The following RPA1 variants were observed in gnomAD, a reference collection of about 807,000 sequenced individuals.
The protein encoded by RPA1 is replication protein A 70 kDa DNA-binding subunit.
RPA1 carries 49 observed loss-of-function variants against 83.0 expected under a neutral mutation model. The ratio of observed to expected loss-of-function variants is 0.59; its 90% CI spans 0.47 to 0.75. The LOEUF is 0.75. Ranked by LOEUF, RPA1 falls within the 30% of genes least tolerant of loss-of-function variation. The probability of loss-of-function intolerance (pLI) is 0.00; values close to 1 mark genes in which losing one functional copy is unlikely to be tolerated. For synonymous variants in RPA1, 279 were observed against 281.8 expected, an observed-to-expected ratio of 0.99 and a Z score of 0.10; for missense variants, 693 against 776.1, an observed-to-expected ratio of 0.89 and a Z score of 1.27.
In RPA1 at chr17:1,873,992, C is replaced by CAAAA. The variant is rs71150832; in HGVS notation, c.454+1484_454+1487dup. On this transcript the variant is annotated intron_variant, in intron 6 of 16. Coordinates refer to ENST00000254719, the MANE Select transcript of RPA1 (RefSeq NM_002945.5). Reference sequence around the variant, plus strand: ...TGGACAACAAAGTGAGACTCTGTCTCAAAAAAAAAAAAAAAAAAAAATATA... The same window carrying CAAAA: ...TGGACAACAAAGTGAGACTCTGTCTCAAAAAAAAAAAAAAAAAAAAAAAAATATA... 4.8e-4 allele frequency among the ~76,000 whole-genome samples: 22 copies of CAAAA among 45,408 alleles called. 1 individual carries two copies. The highest frequency in any genetic ancestry group is 1.4e-3 in the African/African-American group (9 of 6,276). 29.8% of individuals were successfully genotyped at this position (45,408 alleles called of 152,430 possible).
chr17:1,887,166 G>A (rs1203249937), intron 13 of RPA1, among the ~76,000 whole-genome samples: 1 of 152,094 alleles, frequency 6.6e-6, no homozygotes, highest in African/African-American at 2.4e-5. Context: ...CTTGATTGGA[G>A]GATCAGTCAG....
At chr17:1,882,053 G>A (rs539810673) in intron 12 of RPA1, among the ~76,000 whole-genome samples, 1 of 152,290 alleles carries the variant, frequency 6.6e-6, no homozygotes, top group East Asian at 1.9e-4. Context: ...CTGCAGCTCA[G>A]GGTAACATCC....
chr17:1,843,196 T>C (rs1912122183), intron 2 of RPA1, among the ~76,000 whole-genome samples: 1 of 151,472 alleles, frequency 6.6e-6, no homozygotes, highest in African/African-American at 2.4e-5. Flanking sequence ...GAAATATATC[T>C]AGTATGAACT....
At chr17:1,868,261 C>T (rs561965554) in intron 5 of RPA1, among the ~76,000 whole-genome samples, 1 of 152,186 alleles carries the variant, frequency 6.6e-6, no homozygotes, top group Admixed American at 6.5e-5. Context: ...TGAGCCAGTG[C>T]GGAAATAGCT....
At position 1,863,183 on chromosome 17, in the gene RPA1, A is replaced by ATTTT. The variant is rs1218759372; in HGVS notation, c.362-9251_362-9250insTTTT. Among the ~76,000 whole-genome samples, 40 of 140,600 alleles carry ATTTT rather than the reference A, an allele frequency of 2.8e-4. No individual in the cohort carries two copies. In the East Asian group the frequency reaches 7.2e-3, roughly 25 times the overall value. The allele number at this position is 140,600 out of a possible 152,430, so 92.2% of individuals were successfully genotyped here. ...GGAGCGTGAACCACCACGCCCAACT[A>ATTTT]ATTTATTTTATTTTATTTTATTTTA... is the stretch of plus-strand genomic sequence containing the variant. On this transcript the variant is annotated intron_variant, in intron 5 of 16. Coordinates refer to ENST00000254719, the MANE Select transcript of RPA1 (RefSeq NM_002945.5).
chr17:1,838,812 C>T (rs1202912479), intron 1 of RPA1, among the ~76,000 whole-genome samples: 1 of 152,040 alleles, frequency 6.6e-6, no homozygotes, highest in African/African-American at 2.4e-5. Context: ...AACACTATCC[C>T]ATTTCATTGA....
In RPA1 at chr17:1,879,397, C is replaced by T. The variant is rs1377770596; in HGVS notation, c.942C>T (p.Asp314=). The T allele has an allele frequency of 6.2e-7, 1 of 1,614,098 alleles. No homozygotes were observed. The highest frequency in any genetic ancestry group is 8.5e-7 in the Non-Finnish European group (1 of 1,180,002). ...ATGACCTCGAGAACAAGTCGAAAGA[C>T]TCACTTGTAGGTAAGCTCGTGTATG... is the stretch of plus-strand genomic sequence containing the variant. ...GIDDLENKSK[D]SLVDIIGICK... Residue 314 remains aspartate, a synonymous_variant, in exon 10 of 17, where the codon GAC becomes GAT. Coordinates refer to ENST00000254719, the MANE Select transcript of RPA1 (RefSeq NM_002945.5).
Position 1,881,944 on chromosome 17 carries a change from C to T in RPA1, c.1241+1253C>T, listed in dbSNP as rs897351820. Among the ~76,000 whole-genome samples the T allele has an allele frequency of 5.3e-5, 8 of 152,234 alleles. No individual in the cohort carries two copies. The East Asian group carries it at 5.8e-4, about 11-fold the overall frequency. On this transcript the variant is annotated intron_variant, in intron 12 of 16. Coordinates refer to ENST00000254719, the MANE Select transcript of RPA1 (RefSeq NM_002945.5). ...AATGTCTCCTTGGAGCTTTTGAAAC[C>T]GTGAACTTGTGTAGCTAGTAGTGGT...
Position 1,877,192 on chromosome 17 carries a change from A to T in RPA1, c.588-20A>T. ...TCCAAGGAAGACCCCATACACTAATATGATCGATTTGGTTTGTAGGTGGAC... is the reference window on the plus strand; with the variant it reads ...TCCAAGGAAGACCCCATACACTAATTTGATCGATTTGGTTTGTAGGTGGAC... On this transcript the variant is annotated intron_variant, in intron 7 of 16. Coordinates refer to ENST00000254719, the MANE Select transcript of RPA1 (RefSeq NM_002945.5). The T allele has an allele frequency of 6.2e-7, 1 of 1,609,606 alleles. No homozygotes were observed. Among genetic ancestry groups the T allele is most frequent in the Non-Finnish European group, 8.5e-7 (1 of 1,175,866 alleles).
chr17:1,891,943 C>T lies in RPA1; in HGVS notation c.1659+3C>T. 6.3e-7 allele frequency: 1 copy of T among 1,584,034 alleles called. No homozygotes were observed. The highest frequency in any genetic ancestry group is 8.7e-7 in the Non-Finnish European group (1 of 1,155,778). On this transcript the variant is annotated splice_donor_region_variant and intron_variant, in intron 15 of 16. Coordinates refer to ENST00000254719, the MANE Select transcript of RPA1 (RefSeq NM_002945.5). The stretch of plus-strand genomic sequence containing the variant: ...ATCTTGGGGAATTAAAAGACAAGGT[C>T]AGCCACATATTTTATTATAACTTCT...
chr17:1,881,550 A>G (rs1913798410), intron 12 of RPA1, among the ~76,000 whole-genome samples: 1 of 152,214 alleles, frequency 6.6e-6, no homozygotes, highest in Admixed American at 6.5e-5. Flanking sequence ...GCCGAACTGC[A>G]GGGCCCGTTC....
At chr17:1,859,697 C>G (rs1912866550) in intron 5 of RPA1, among the ~76,000 whole-genome samples, 1 of 152,160 alleles carries the variant, frequency 6.6e-6, no homozygotes, top group Admixed American at 6.6e-5. Flanking sequence ...GTGGTACATT[C>G]ACGGCTCAGT....
rs763320220 is a variant in RPA1, at chr17:1,879,364, G to A, written c.909G>A (p.Thr303=). 4.8e-5 allele frequency: 77 copies of A among 1,614,022 alleles called. No homozygotes were observed. The highest frequency in any genetic ancestry group is 1.6e-4 in the Middle Eastern group (1 of 6,084). ...HHLPTVQFDF[T]GIDDLENKSK... is the part of the protein sequence containing the mutation. Reference sequence around the variant, plus strand: ...TACCTACGGTTCAGTTTGATTTCACGGGGATTGATGACCTCGAGAACAAGT... The same window carrying A: ...TACCTACGGTTCAGTTTGATTTCACAGGGATTGATGACCTCGAGAACAAGT... The change falls in exon 10 of 17, where the codon ACG becomes ACA. Residue 303 remains threonine, a synonymous_variant. Coordinates refer to ENST00000254719, the MANE Select transcript of RPA1 (RefSeq NM_002945.5).
At chr17:1,878,593 G>A (rs1452294232) in intron 8 of RPA1, among the ~76,000 whole-genome samples, 1 of 152,230 alleles carries the variant, frequency 6.6e-6, no homozygotes, top group South Asian at 2.1e-4. Context: ...GCACTGTGGA[G>A]GGAGCCGGTG....
At chr17:1,876,835 C>A (rs1268583419) in intron 7 of RPA1, among the ~76,000 whole-genome samples, 2 of 152,234 alleles carry the variant, frequency 1.3e-5, no homozygotes, top group African/African-American at 2.4e-5. Context: ...AAGTGTAACA[C>A]CAGTTATATC....
chr17:1,887,040 TAAGAG>T (rs756664107), intron 13 of RPA1, among the ~76,000 whole-genome samples: 2 of 152,192 alleles, frequency 1.3e-5, no homozygotes, highest in Non-Finnish European at 2.9e-5. Flanking sequence ...GGCTTTGGCT[TAAGAG>T]AATGTTGTGG....
chr17:1,831,102 A>G (rs755769115), intron 1 of RPA1, among the ~76,000 whole-genome samples: 4 of 152,124 alleles, frequency 2.6e-5, no homozygotes, highest in Non-Finnish European at 5.9e-5. Flanking sequence ...AATATATGTC[A>G]GTTGCTCACA....
At chr17:1,864,058 G>A (rs1304528291) in intron 5 of RPA1, among the ~76,000 whole-genome samples, 1 of 152,214 alleles carries the variant, frequency 6.6e-6, no homozygotes, top group Non-Finnish European at 1.5e-5. Context: ...AGATGTTCAT[G>A]TGGCTTATTT....
intron 12 of RPA1, among the ~76,000 whole-genome samples, chr17:1,883,191 T>C (rs561958862): frequency 7.6e-4 from 115 of 152,272 alleles, no homozygotes; most frequent in African/African-American, 2.6e-3. Flanking sequence ...AGTTTCGGTC[T>C]TGTTGCCCAG....
Sources: allele counts gnomAD v4.1 joint callset (sites outside exome capture counted in the v4.1 genomes callset), GRCh38; gene constraint gnomAD v4.1.1; transcripts MANE v1.5; gene names NCBI Gene and HGNC (gene_info 2026-07-23, HGNC 2026-07-21).